PTPRQ: variants seen among roughly 807,000 people sequenced by gnomAD.
PTPRQ encodes the protein phosphatidylinositol phosphatase PTPRQ.
In PTPRQ, 199 loss-of-function variants were observed where a neutral mutation model predicts 246.0. The ratio of observed to expected loss-of-function variants is 0.81; its 90% CI spans 0.72 to 0.91. The LOEUF is 0.91. PTPRQ is among the 40% of genes least tolerant of loss of function. The probability of loss-of-function intolerance (pLI) is 0.00; values close to 1 mark genes in which losing one functional copy is unlikely to be tolerated. For synonymous variants in PTPRQ, 869 were observed against 853.2 expected (o/e 1.02, Z -0.32); for missense variants, 2,624 against 2,528.4 (o/e 1.04, Z -0.81).
At chr12:80,546,892 A>C (rs1324840350) in intron 24 of PTPRQ, 195 bp downstream of exon 24, 1 of 552,814 alleles carries the variant, frequency 1.8e-6, no homozygotes. Context: ...ATATTTTCAC[A>C]CATGGTTTTT....
intron 9 of PTPRQ, among the ~76,000 whole-genome samples, chr12:80,488,478 C>T (rs1446852718): frequency 2.0e-5 from 3 of 152,046 alleles, no homozygotes; most frequent in East Asian, 1.9e-4. Flanking sequence ...TAACTCTTCA[C>T]TAGCATTGCA....
intron 34 of PTPRQ, 77 bp from the exon 35 acceptor site, chr12:80,634,868 C>T: frequency 1.3e-6 from 2 of 1,505,548 alleles, no homozygotes; most frequent in East Asian, 2.6e-5. Flanking sequence ...AATGTCTTTA[C>T]TTAAAAAGAA....
chr12:80,553,705 C>G (rs1176508225), intron 25 of PTPRQ, among the ~76,000 whole-genome samples: 1 of 152,078 alleles, frequency 6.6e-6, no homozygotes, highest in Non-Finnish European at 1.5e-5. Context: ...GTTCCCTTGT[C>G]ACAGTCAGAT....
intron 23 of PTPRQ, among the ~76,000 whole-genome samples, chr12:80,544,773 AT>A (rs1896255655): frequency 6.6e-6 from 1 of 151,842 alleles, no homozygotes; most frequent in Admixed American, 6.6e-5. Flanking sequence ...GTATCAATTT[AT>A]ATTATTTTCT....
intron 3 of PTPRQ, among the ~76,000 whole-genome samples, chr12:80,447,008 G>A (rs991619116): frequency 2.6e-5 from 4 of 151,838 alleles, no homozygotes. Flanking sequence ...TTCTCATAGA[G>A]GTTACATTTC....
intron 25 of PTPRQ, among the ~76,000 whole-genome samples, chr12:80,582,687 C>T (rs954935303): frequency 1.3e-5 from 2 of 152,102 alleles, no homozygotes; most frequent in Non-Finnish European, 2.9e-5. Flanking sequence ...GTAAATCACT[C>T]AGTCTATAGT....
chr12:80,614,357 A>G (rs1898670627), intron 29 of PTPRQ, among the ~76,000 whole-genome samples: 1 of 150,806 alleles, frequency 6.6e-6, no homozygotes, highest in Non-Finnish European at 1.5e-5. Context: ...AGACATATAC[A>G]GACACAATTT....
chr12:80,576,254 G>T (rs1897277275), intron 25 of PTPRQ, among the ~76,000 whole-genome samples: 1 of 151,890 alleles, frequency 6.6e-6, no homozygotes, highest in African/African-American at 2.4e-5. Context: ...AGATTCTCCT[G>T]CCTCAGCCTC....
At chr12:80,549,408 A>T in intron 24 of PTPRQ, 57 bp from the exon 25 acceptor site, 1 of 1,456,206 alleles carries the variant, frequency 6.9e-7, no homozygotes, top group East Asian at 2.5e-5. Context: ...TAATTCAATC[A>T]ATTATCTACT....
chr12:80,542,370 C>G lies in PTPRQ; in HGVS notation c.3721+6C>G, dbSNP rs1212085621. The G allele has an allele frequency of 1.3e-6, 2 of 1,522,662 alleles. No individual in the cohort carries two copies. Among genetic ancestry groups the G allele is most frequent in the Admixed American group, 4.9e-5 (2 of 40,808 alleles). The allele number at this position is 1,522,662 out of a possible 1,614,324, so 94.3% of individuals were successfully genotyped here. On this transcript the variant is annotated splice_donor_region_variant and intron_variant, in intron 22 of 44. Transcript: ENST00000644991. Reference sequence around the variant, plus strand: ...CTTTTACACAGATGAGTCAGGTAAGCCAGAATCCACATTTCTTCAAACAAT... The same window carrying G: ...CTTTTACACAGATGAGTCAGGTAAGGCAGAATCCACATTTCTTCAAACAAT...
At chr12:80,461,643 T>A (rs1439980614) in intron 6 of PTPRQ, among the ~76,000 whole-genome samples, 2 of 150,512 alleles carry the variant, frequency 1.3e-5, no homozygotes, top group African/African-American at 4.9e-5. Context: ...GACAGATATA[T>A]CATAATATAG....
intron 39 of PTPRQ, among the ~76,000 whole-genome samples, chr12:80,668,530 T>C (rs1900860049): frequency 1.3e-5 from 2 of 151,582 alleles, no homozygotes; most frequent in Admixed American, 6.6e-5. Context: ...CATCATGGAG[T>C]GGGTTTAGAG....
At chr12:80,493,164 TC>T in intron 9 of PTPRQ, 110 bp from the exon 10 acceptor site, 2 of 1,204,666 alleles carry the variant, frequency 1.7e-6, no homozygotes, top group Non-Finnish European at 2.1e-6. Flanking sequence ...AAATATGTTA[TC>T]TTTTATAACA....
rs186371980 is a variant in PTPRQ at position 80,679,216 on chromosome 12, T to C, written c.*193T>C. ...GCTAATACAGAATAATTATTTGTTTTGTACAGAATAAATATTATGCATTTT... is the reference window on the plus strand; with the variant it reads ...GCTAATACAGAATAATTATTTGTTTCGTACAGAATAAATATTATGCATTTT... On this transcript the variant is annotated 3_prime_UTR_variant, in exon 45 of 45. Coordinates refer to ENST00000644991, the MANE Select transcript of PTPRQ (RefSeq NM_001145026.2). The C allele has an allele frequency of 7.5e-4, 409 of 545,512 alleles. 1 individual carries two copies. The highest frequency in any genetic ancestry group is 7.5e-3 in the African/African-American group (384 of 51,348). The allele number at this position is 545,512 out of a possible 1,614,324, so 33.8% of individuals were successfully genotyped here.
At chr12:80,501,960 A>T (rs1293789657) in intron 14 of PTPRQ, among the ~76,000 whole-genome samples, 1 of 151,354 alleles carries the variant, frequency 6.6e-6, no homozygotes, top group Non-Finnish European at 1.5e-5. Flanking sequence ...AATGTAGAAA[A>T]TGAGGAATGG....
At position 80,514,402 on chromosome 12, in the gene PTPRQ, A is replaced by ACACACACACACACACTCTCTCT. The variant is rs552667526; in HGVS notation, c.2678+3960_2678+3961insACACACACACACACTCTCTCTC. The stretch of plus-strand genomic sequence containing the variant: ...CACACACACACACACACACACACAC[A>ACACACACACACACACTCTCTCT]CTCTCTCTCTCTCTCTCTGCTTTAA... On this transcript the variant is annotated intron_variant, in intron 17 of 44. Transcript: ENST00000644991. Among the ~76,000 whole-genome samples the ACACACACACACACACTCTCTCT allele has an allele frequency of 8.2e-3, 928 of 112,938 alleles. 7 individuals are homozygous for ACACACACACACACACTCTCTCT. Among genetic ancestry groups the ACACACACACACACACTCTCTCT allele is most frequent in the African/African-American group, 0.012 (360 of 30,974 alleles). The allele number at this position is 112,938 out of a possible 152,430, so 74.1% of individuals were successfully genotyped here.
At chr12:80,653,543 A>G (rs574765051) in intron 38 of PTPRQ, among the ~76,000 whole-genome samples, 1 of 152,310 alleles carries the variant, frequency 6.6e-6, no homozygotes, top group East Asian at 1.9e-4. Context: ...GAAACGTTTC[A>G]AAGTCTAGAG....
At chr12:80,674,023 G>A (rs954834844) in intron 43 of PTPRQ, among the ~76,000 whole-genome samples, 1 of 151,832 alleles carries the variant, frequency 6.6e-6, no homozygotes, top group African/African-American at 2.4e-5. Flanking sequence ...AAATATTACT[G>A]GCTCTGCTTT....
intron 25 of PTPRQ, among the ~76,000 whole-genome samples, chr12:80,552,409 T>C (rs1421777684): frequency 6.6e-6 from 1 of 151,738 alleles, no homozygotes; most frequent in African/African-American, 2.4e-5. Context: ...ACAACATATC[T>C]GAAATAAATG....
Sources: gnomAD v4.1 joint callset for allele counts (sites outside exome capture counted in the v4.1 genomes callset) on GRCh38, gnomAD v4.1.1 for gene constraint, MANE v1.5 for transcripts, NCBI Gene and HGNC (gene_info 2026-07-23, HGNC 2026-07-21) for gene names.